FBXO36: variants seen among roughly 807,000 people sequenced by gnomAD.
FBXO36 encodes F-box protein 36.
In FBXO36, 18 loss-of-function variants were observed where a neutral mutation model predicts 17.0. That is an observed-to-expected ratio of 1.06 (90% confidence interval 0.73 to 1.57). FBXO36 has a LOEUF of 1.57. Among genes scored for constraint, FBXO36 ranks in the 40% most tolerant of loss-of-function variants. FBXO36 has a pLI of 0.00. For synonymous variants in FBXO36, 83 were observed against 85.3 expected, an observed-to-expected ratio of 0.97 and a Z score of 0.15; for missense variants, 229 against 221.9, an observed-to-expected ratio of 1.03 and a Z score of -0.20.
chr2:229,931,502 A>G (rs1041387495), intron 1 of FBXO36, among the ~76,000 whole-genome samples: 1 of 152,200 alleles, frequency 6.6e-6, no homozygotes, highest in African/African-American at 2.4e-5. Flanking sequence ...TCAGCATAAG[A>G]AGGTTACTAG....
intron 2 of FBXO36, among the ~76,000 whole-genome samples, chr2:229,994,162 T>C (rs1301258585): frequency 6.6e-6 from 1 of 152,178 alleles, no homozygotes; most frequent in Non-Finnish European, 1.5e-5. Flanking sequence ...TTTTAAAGTA[T>C]TCAAAAATTA....
Position 229,996,897 on chromosome 2 carries a change from T to C in FBXO36, c.352T>C (p.Cys118Arg). 1 of 1,613,916 alleles carries C rather than the reference T, an allele frequency of 6.2e-7. No individual in the cohort carries two copies. Among genetic ancestry groups the C allele is most frequent in the Non-Finnish European group, 8.5e-7 (1 of 1,179,956 alleles). ...YLDLEDIARLCQTSHRFAKLC... is the reference protein window; with the variant it reads ...YLDLEDIARLRQTSHRFAKLC... Reference sequence around the variant, plus strand: ...GGATCTTGAAGATATTGCCAGGCTTTGTCAAACATCACACAGATTTGCAAA... The same window carrying C: ...GGATCTTGAAGATATTGCCAGGCTTCGTCAAACATCACACAGATTTGCAAA... Residue 118 changes from cysteine to arginine, a missense_variant, in exon 3 of 4, where the codon TGT becomes CGT. By Grantham distance (180) the Cys-to-Arg change is radical. Transcript: ENST00000283946.
intron 3 of FBXO36, among the ~76,000 whole-genome samples, chr2:230,005,262 C>T (rs191616984): frequency 9.9e-4 from 149 of 151,264 alleles, no homozygotes; most frequent in African/African-American, 3.0e-3. Context: ...CCACGACACC[C>T]GGCTAATTTT....
intron 2 of FBXO36, among the ~76,000 whole-genome samples, chr2:229,988,290 C>T (rs1019432568): frequency 6.6e-6 from 1 of 152,052 alleles, no homozygotes; most frequent in Non-Finnish European, 1.5e-5. Context: ...TAAACGAAAA[C>T]TCCTAGAAAG....
At chr2:229,923,845 T>G (rs538799724) in intron 1 of FBXO36, among the ~76,000 whole-genome samples, 5,453 of 135,932 alleles carry the variant, frequency 0.04, 165 homozygotes, top group Non-Finnish European at 0.056. Flanking sequence ...TTTTTTGGTG[T>G]TGTTTTTTTT....
At chr2:229,926,428 C>T (rs1158059944) in intron 1 of FBXO36, among the ~76,000 whole-genome samples, 1 of 151,300 alleles carries the variant, frequency 6.6e-6, no homozygotes, top group Non-Finnish European at 1.5e-5. Flanking sequence ...AAGACTCAGT[C>T]TTTAAAATAA....
At position 230,011,649 on chromosome 2, in the gene FBXO36, A is replaced by G. The variant is rs1449910674; in HGVS notation, c.*765A>G. ...TTTTTAGTAGAGGTGGAGTTTCGCCATGTAGGCCAGGCTGGTCTTGAACTC... is the reference window on the plus strand; with the variant it reads ...TTTTTAGTAGAGGTGGAGTTTCGCCGTGTAGGCCAGGCTGGTCTTGAACTC... On this transcript the variant is annotated 3_prime_UTR_variant, in exon 4 of 4. Coordinates refer to ENST00000283946, the MANE Select transcript of FBXO36 (RefSeq NM_174899.5). 1 of 126,722 alleles carries G rather than the reference A, an allele frequency of 7.9e-6. No homozygotes were observed. The highest frequency in any genetic ancestry group is 3.1e-5 in the African/African-American group (1 of 32,110). The allele number at this position is 126,722 out of a possible 1,614,324, so 7.8% of individuals were successfully genotyped here.
At chr2:229,949,893 C>G (rs1244059815) in intron 1 of FBXO36, among the ~76,000 whole-genome samples, 1 of 152,122 alleles carries the variant, frequency 6.6e-6, no homozygotes, top group Non-Finnish European at 1.5e-5. Flanking sequence ...CCAGGGCACT[C>G]CAGCCTGGGT....
chr2:229,985,891 T>TA (rs1163265041), intron 2 of FBXO36, among the ~76,000 whole-genome samples: 3 of 151,470 alleles, frequency 2.0e-5, no homozygotes, highest in African/African-American at 4.9e-5. Context: ...TATACAAAAT[T>TA]AAAAAAATTA....
chr2:229,941,968 A>T (rs1383688094), intron 1 of FBXO36, among the ~76,000 whole-genome samples: 2 of 152,092 alleles, frequency 1.3e-5, no homozygotes, highest in African/African-American at 4.8e-5. Flanking sequence ...GTCAGCTGAG[A>T]TTATGCCACT....
chr2:229,994,296 C>T (rs1018603277), intron 2 of FBXO36, among the ~76,000 whole-genome samples: 2 of 152,058 alleles, frequency 1.3e-5, no homozygotes, highest in African/African-American at 2.4e-5. Flanking sequence ...TTCCTCACCC[C>T]CCAAGAAGGC....
chr2:229,990,573 TC>T (rs564916831), intron 2 of FBXO36, among the ~76,000 whole-genome samples: 42 of 152,310 alleles, frequency 2.8e-4, no homozygotes, highest in Admixed American at 2.4e-3. Context: ...CTTGGATCAT[TC>T]CAGGATTAAT....
intron 3 of FBXO36, among the ~76,000 whole-genome samples, chr2:230,000,687 C>G (rs2077353755): frequency 6.6e-6 from 1 of 152,010 alleles, no homozygotes; most frequent in Admixed American, 6.6e-5. Context: ...TATTTCAGTG[C>G]AGTCTTGAAA....
chr2:230,001,952 GAATTAC>G (rs1386739617), intron 3 of FBXO36, among the ~76,000 whole-genome samples: 1 of 152,098 alleles, frequency 6.6e-6, no homozygotes, highest in African/African-American at 2.4e-5. Context: ...TGAGTAGCTG[GAATTAC>G]AAGTGCAAGC....
chr2:230,001,631 G>T (rs570806313), intron 3 of FBXO36, among the ~76,000 whole-genome samples: 3 of 152,138 alleles, frequency 2.0e-5, no homozygotes, highest in South Asian at 4.2e-4. Flanking sequence ...TGAAAAAAAG[G>T]CTTCCTTTTC....
chr2:229,975,368 G>A (rs2077201975), intron 1 of FBXO36, among the ~76,000 whole-genome samples: 1 of 151,946 alleles, frequency 6.6e-6, no homozygotes, highest in Non-Finnish European at 1.5e-5. Flanking sequence ...CAATTTCTTT[G>A]GAATTAGCTC....
At chr2:229,965,177 GT>G (rs1482891605) in intron 1 of FBXO36, among the ~76,000 whole-genome samples, 65 of 142,382 alleles carry the variant, frequency 4.6e-4, no homozygotes, top group African/African-American at 1.5e-3. Flanking sequence ...AGAGATGAGG[GT>G]CTTACTATGT....
intron 1 of FBXO36, among the ~76,000 whole-genome samples, chr2:229,950,556 C>T (rs1235348071): frequency 6.6e-6 from 1 of 152,124 alleles, no homozygotes; most frequent in African/African-American, 2.4e-5. Context: ...CAAAAGACAA[C>T]ATTACAACAA....
chr2:230,007,375 G>T (rs980152408), intron 3 of FBXO36, among the ~76,000 whole-genome samples: 1 of 152,196 alleles, frequency 6.6e-6, no homozygotes, highest in Non-Finnish European at 1.5e-5. Flanking sequence ...TCTGTCCTTT[G>T]TTGGCTGTGG....
Sources: allele counts gnomAD v4.1 joint callset (sites outside exome capture counted in the v4.1 genomes callset), GRCh38; gene constraint gnomAD v4.1.1; transcripts MANE v1.5; gene names NCBI Gene and HGNC (gene_info 2026-07-23, HGNC 2026-07-21).